The following ZNF808 variants were observed in gnomAD, a reference collection of about 807,000 sequenced individuals.
The protein encoded by ZNF808 is zinc finger protein 808.
In ZNF808, 5 loss-of-function variants were observed where a neutral mutation model predicts 8.7. The observed-to-expected ratio is 0.58, with a 90% CI of 0.30 to 1.21. The LOEUF (loss-of-function observed/expected upper bound fraction) is 1.21. Ranked by LOEUF, ZNF808 falls within the 50% of genes most tolerant of loss-of-function variation. ZNF808 has a pLI of 0.07. For missense variants in ZNF808, 1,103 were observed against 1,098.4 expected (o/e 1.00, Z -0.06); for synonymous variants, 380 against 366.0 (o/e 1.04, Z -0.44).
chr19:52,561,647 A>G (rs1250282695), intron 3 of ZNF808, among the ~76,000 whole-genome samples: 2 of 151,864 alleles, frequency 1.3e-5, no homozygotes, highest in East Asian at 3.9e-4. Flanking sequence ...TCCCAGGTTC[A>G]AGCGATTCTC....
chr19:52,533,633 A>C (rs1298674199), intron 2 of ZNF808, among the ~76,000 whole-genome samples: 1 of 151,492 alleles, frequency 6.6e-6, no homozygotes, highest in Non-Finnish European at 1.5e-5. Flanking sequence ...AAGGCGGGTC[A>C]ATCCCGAGGT....
chr19:52,556,740 CAG>C (rs1253617932), downstream of ZNF808: 2 of 151,608 alleles, frequency 1.3e-5, no homozygotes, highest in African/African-American at 4.9e-5. Context: ...GCCTGGGAGA[CAG>C]AGTGAGACTC....
At chr19:52,557,071 A>G (rs2059840386), downstream of ZNF808, among the ~76,000 whole-genome samples, 1 of 152,064 alleles carries the variant, frequency 6.6e-6, no homozygotes, top group East Asian at 1.9e-4. Context: ...CCCGGCATCA[A>G]GTGATTCTCC....
At position 52,542,097 on chromosome 19, in the gene ZNF808, AT is replaced by A. The variant is rs60838690; in HGVS notation, c.-19-1156del. On this transcript the variant is annotated intron_variant, in intron 2 of 4. Coordinates refer to ENST00000359798, the MANE Select transcript of ZNF808 (RefSeq NM_001039886.4). ...AGAGTGAGAAGATACATCACTTCCA[AT>A]TTTTTTTTTTTTGAGACGAATTTTC... Among the ~76,000 whole-genome samples the A allele has an allele frequency of 1.8e-3, 267 of 146,270 alleles. 5 individuals carry two copies. Among genetic ancestry groups the A allele is most frequent in the Admixed American group, 9.6e-3 (140 of 14,584 alleles).
chr19:52,528,988 C>T (rs1244535607), intron 1 of ZNF808, among the ~76,000 whole-genome samples: 2 of 151,172 alleles, frequency 1.3e-5, no homozygotes, highest in African/African-American at 4.9e-5. Context: ...AAATGAAGAG[C>T]AGAATCCCAG....
At chr19:52,540,764 T>C (rs1024882175) in intron 2 of ZNF808, among the ~76,000 whole-genome samples, 2 of 152,206 alleles carry the variant, frequency 1.3e-5, no homozygotes, top group South Asian at 4.1e-4. Flanking sequence ...TGCTCAGATC[T>C]CATTTCTACA....
At chr19:52,561,250 T>A (rs905604823), downstream of ZNF808, among the ~76,000 whole-genome samples, 5 of 146,924 alleles carry the variant, frequency 3.4e-5, no homozygotes, top group Non-Finnish European at 6.0e-5. Flanking sequence ...ACACTTTTTT[T>A]ATTATACTTT....
chr19:52,545,443 T>A (rs326439), intron 3 of ZNF808, among the ~76,000 whole-genome samples: 33,114 of 152,096 alleles, frequency 0.22, 4,082 homozygotes, highest in East Asian at 0.52. Context: ...TGTAATGATT[T>A]TAAGTATTTT....
chr19:52,531,130 A>C (rs1332412781), intron 1 of ZNF808, among the ~76,000 whole-genome samples: 1 of 152,182 alleles, frequency 6.6e-6, no homozygotes, highest in Non-Finnish European at 1.5e-5. Flanking sequence ...TGGTCTCAAA[A>C]AAACAAAAAA....
chr19:52,564,083 C>T, exon 4 of ZNF808: 1 of 641,776 alleles, frequency 1.6e-6, no homozygotes, highest in Non-Finnish European at 2.9e-6. Context: ...GTCATGTCTT[C>T]TCACAAGACT....
chr19:52,560,873 T>C (rs904209687), downstream of ZNF808, among the ~76,000 whole-genome samples: 6 of 152,156 alleles, frequency 3.9e-5, no homozygotes, highest in African/African-American at 1.4e-4. Flanking sequence ...GGTACATTGA[T>C]TTGGATGCAA....
rs138170092 is a variant in ZNF808 at position 52,545,037 on chromosome 19, C to T, written c.63+1690C>T. Among the ~76,000 whole-genome samples the T allele has an allele frequency of 5.5e-3, 837 of 152,336 alleles. 11 individuals are homozygous for T. Among genetic ancestry groups the T allele is most frequent in the African/African-American group, 0.019 (798 of 41,564 alleles). ...GACCTTGTGATTTGTTCACCTCGGC[C>T]TCCCAAAGTTCTGGGATTTACAGGC... On this transcript the variant is annotated intron_variant, in intron 3 of 4. Coordinates refer to ENST00000359798, the MANE Select transcript of ZNF808 (RefSeq NM_001039886.4).
At chr19:52,539,548 GTTT>G (rs71180473) in intron 2 of ZNF808, among the ~76,000 whole-genome samples, 30 of 51,970 alleles carry the variant, frequency 5.8e-4, no homozygotes, top group African/African-American at 2.8e-3. Flanking sequence ...TGTTGTGGTG[GTTT>G]TTTTTTTTTT....
downstream of ZNF808, chr19:52,556,783 AAAAT>A (rs1254099590): frequency 9.9e-5 from 15 of 152,234 alleles, no homozygotes; most frequent in African/African-American, 3.1e-4. Flanking sequence ...TATAAATAAA[AAAAT>A]GTATTTTAAC....
chr19:52,541,291 G>A (rs372092135), intron 2 of ZNF808, among the ~76,000 whole-genome samples: 1 of 150,284 alleles, frequency 6.7e-6, no homozygotes, highest in East Asian at 1.9e-4. Context: ...AATTTTTCAT[G>A]GTGTGACATA....
chr19:52,529,647 C>G (rs1250516323), intron 1 of ZNF808, among the ~76,000 whole-genome samples: 1 of 152,062 alleles, frequency 6.6e-6, no homozygotes, highest in Non-Finnish European at 1.5e-5. Flanking sequence ...TTCCCTTTTC[C>G]TAGGATTGGG....
At chr19:52,534,614 G>C (rs764309186) in intron 2 of ZNF808, among the ~76,000 whole-genome samples, 44 of 152,146 alleles carry the variant, frequency 2.9e-4, no homozygotes, top group African/African-American at 1.0e-3. Flanking sequence ...CCTGGGCCAG[G>C]CATGGTGACT....
chr19:52,528,126 A>G (rs1219504846), intron 1 of ZNF808, among the ~76,000 whole-genome samples: 1 of 151,524 alleles, frequency 6.6e-6, no homozygotes, highest in African/African-American at 2.4e-5. Context: ...TGGTCCTGGG[A>G]TCTTGCAGAC....
chr19:52,543,431 T>C, intron 3 of ZNF808, 84 bp downstream of exon 3: 3 of 1,522,192 alleles, frequency 2.0e-6, no homozygotes, highest in Non-Finnish European at 2.6e-6. Flanking sequence ...AGTAATGTAT[T>C]GTAGCAGCCA....
Sources: allele counts gnomAD v4.1 joint callset (sites outside exome capture counted in the v4.1 genomes callset), GRCh38; gene constraint gnomAD v4.1.1; transcripts MANE v1.5; gene names NCBI Gene and HGNC (gene_info 2026-07-23, HGNC 2026-07-21).